CLASP2: variants seen among roughly 807,000 people sequenced by gnomAD.
CLASP2 encodes CLIP-associating protein 2.
Under a neutral mutation model 194.4 loss-of-function variants are expected in CLASP2, and 47 were observed. The observed-to-expected ratio is 0.24, with a 90% CI of 0.19 to 0.31. The LOEUF (loss-of-function observed/expected upper bound fraction) is 0.31. Ranked by LOEUF, CLASP2 falls within the 10% of genes least tolerant of loss-of-function variation. The pLI, the probability that CLASP2 is intolerant of heterozygous loss-of-function variation, is 1.00. For synonymous variants in CLASP2, 619 were observed against 633.5 expected (o/e 0.98, Z 0.34); for missense variants, 1,445 against 1,823.6 (o/e 0.79, Z 3.78).
intron 30 of CLASP2, among the ~76,000 whole-genome samples, chr3:33,547,861 T>C (rs1295521805): frequency 6.6e-6 from 1 of 151,682 alleles, no homozygotes; most frequent in African/African-American, 2.4e-5. Context: ...TAATCACAGT[T>C]CACTGCAGCA....
At chr3:33,566,034 C>T (rs1164926312) in intron 27 of CLASP2, among the ~76,000 whole-genome samples, 1 of 152,114 alleles carries the variant, frequency 6.6e-6, no homozygotes, top group African/African-American at 2.4e-5. Flanking sequence ...TACATGCATA[C>T]ATATCTATCT....
intron 33 of CLASP2, among the ~76,000 whole-genome samples, chr3:33,537,010 G>C (rs538987476): frequency 5.3e-5 from 8 of 152,286 alleles, no homozygotes; most frequent in East Asian, 3.9e-4. Flanking sequence ...TAGAGTCATA[G>C]GATTTATTAT....
chr3:33,598,193 T>G (rs1032705642), intron 18 of CLASP2, among the ~76,000 whole-genome samples: 13 of 152,012 alleles, frequency 8.6e-5, no homozygotes, highest in Non-Finnish European at 5.9e-5. Context: ...TAAATCCTTT[T>G]GCTCTAACAA....
chr3:33,709,515 AGAG>A (rs1334871005), intron 1 of CLASP2, among the ~76,000 whole-genome samples: 5 of 152,162 alleles, frequency 3.3e-5, no homozygotes, highest in African/African-American at 9.7e-5. Flanking sequence ...AGCCACAGTC[AGAG>A]GAGATTTTAT....
chr3:33,702,148 T>A (rs1350583467), intron 1 of CLASP2, among the ~76,000 whole-genome samples: 2 of 152,294 alleles, frequency 1.3e-5, no homozygotes, highest in East Asian at 3.9e-4. Flanking sequence ...CTAAAATTCA[T>A]ATGAAAATTC....
rs76280275 is a variant in CLASP2 at position 33,590,170 on chromosome 3, T to C, written c.2068+2225A>G. On this transcript the variant is annotated intron_variant, in intron 21 of 38. Transcript: ENST00000682230. ...GCTTATTCAGGGCTAAGCAATATTT[T>C]ATGTCTATTAAATATGCTACATCAT... Among the ~76,000 whole-genome samples, 6 of 152,326 alleles carry C rather than the reference T, an allele frequency of 3.9e-5. No homozygotes were observed. In the East Asian group the frequency reaches 1.2e-3, roughly 29 times the overall value.
intron 10 of CLASP2, among the ~76,000 whole-genome samples, chr3:33,626,741 AC>A (rs1320600054): frequency 6.7e-6 from 1 of 150,234 alleles, no homozygotes; most frequent in African/African-American, 2.5e-5. Flanking sequence ...CCAGTCAAAA[AC>A]AGCACACGTG....
chr3:33,518,719 T>C (rs1051830152), intron 34 of CLASP2, among the ~76,000 whole-genome samples: 2 of 152,254 alleles, frequency 1.3e-5, no homozygotes, highest in African/African-American at 4.8e-5. Context: ...TTCACGGTAG[T>C]CAGTTATCTT....
chr3:33,661,837 A>C (rs998181484), intron 7 of CLASP2, among the ~76,000 whole-genome samples: 7 of 152,206 alleles, frequency 4.6e-5, no homozygotes, highest in African/African-American at 1.7e-4. Context: ...GAGAATAAAA[A>C]CAGGGAAGAG....
rs1033826039 is a variant in CLASP2 at position 33,496,665 on chromosome 3, A to G, written c.*1966T>C. ...GCTTAAGTCACTCTACTTGGTTGTC[A>G]ACAGTAGTTAAAGCAGTATCTTAAA... On this transcript the variant is annotated 3_prime_UTR_variant, in exon 39 of 39. Coordinates refer to ENST00000682230, the MANE Select transcript of CLASP2 (RefSeq NM_001365631.1). The G allele has an allele frequency of 1.3e-5, 2 of 152,200 alleles. No individual in the cohort carries two copies. Among genetic ancestry groups the G allele is most frequent in the African/African-American group, 4.8e-5 (2 of 41,456 alleles). The allele number at this position is 152,200 out of a possible 1,614,324, so 9.4% of individuals were successfully genotyped here. A position where few individuals can be genotyped will look rare whatever the true frequency, so the allele number is the denominator to read the frequency against.
At chr3:33,550,094 T>C (rs1217240416) in intron 30 of CLASP2, among the ~76,000 whole-genome samples, 4 of 151,616 alleles carry the variant, frequency 2.6e-5, no homozygotes, top group African/African-American at 9.7e-5. Context: ...AGAAAGTAAA[T>C]AGAAGTAAAT....
intron 21 of CLASP2, among the ~76,000 whole-genome samples, chr3:33,585,506 G>A (rs2067148550): frequency 6.6e-6 from 1 of 152,058 alleles, no homozygotes; most frequent in Admixed American, 6.5e-5. Context: ...GTAACACAAT[G>A]GTAAATATTT....
intron 19 of CLASP2, 66 bp downstream of exon 19, chr3:33,596,645 A>C (rs1208564490): frequency 9.4e-7 from 1 of 1,059,558 alleles, no homozygotes; most frequent in South Asian, 1.5e-5. Context: ...AAGAATGAAC[A>C]AGGATATTAT....
chr3:33,602,424 T>G, intron 18 of CLASP2: 7 of 675,550 alleles, frequency 1.0e-5, no homozygotes, highest in Non-Finnish European at 1.9e-5. Context: ...AAGAAAAAAA[T>G]GGAAGCATGA....
chr3:33,668,627 G>C (rs1292415486), intron 6 of CLASP2, among the ~76,000 whole-genome samples: 2 of 152,170 alleles, frequency 1.3e-5, no homozygotes, highest in Non-Finnish European at 2.9e-5. Context: ...TTGTTATTTT[G>C]AGGATTCGAA....
chr3:33,547,729 A>G (rs1410957035), intron 30 of CLASP2, among the ~76,000 whole-genome samples: 1 of 151,822 alleles, frequency 6.6e-6, no homozygotes, highest in Non-Finnish European at 1.5e-5. Context: ...TGTTTGGTGG[A>G]ATTTACCACC....
intron 3 of CLASP2, 74 bp from the exon 4 acceptor site, chr3:33,688,442 A>G (rs1274849939): frequency 9.3e-7 from 1 of 1,069,674 alleles, no homozygotes. Context: ...TTTCTTCCCA[A>G]TCTTACTACC....
At position 33,608,529 on chromosome 3, in the gene CLASP2, G is replaced by A. The variant is rs762776517; in HGVS notation, c.1448+38C>T. 6.0e-6 allele frequency: 9 copies of A among 1,501,494 alleles called. No homozygotes were observed. In the Admixed American group the frequency reaches 1.6e-4, roughly 26 times the overall value. 93.0% of individuals were successfully genotyped at this position (1,501,494 alleles called of 1,614,324 possible). On this transcript the variant is annotated intron_variant, in intron 14 of 38. Coordinates refer to ENST00000682230, the MANE Select transcript of CLASP2 (RefSeq NM_001365631.1). ...CAACTTCTAAAGAACTGGTGACAAT[G>A]GGGAGGAAAGTGGGAGGAAGGAAGA... is the stretch of plus-strand genomic sequence containing the variant.
intron 1 of CLASP2, among the ~76,000 whole-genome samples, chr3:33,697,671 CT>C (rs2092047712): frequency 6.6e-6 from 1 of 152,170 alleles, no homozygotes; most frequent in Admixed American, 6.5e-5. Context: ...GGAATTTCAT[CT>C]TCTGTCTGGG....
Sources: gnomAD v4.1 joint callset for allele counts (sites outside exome capture counted in the v4.1 genomes callset) on GRCh38, gnomAD v4.1.1 for gene constraint, MANE v1.5 for transcripts, NCBI Gene and HGNC (gene_info 2026-07-23, HGNC 2026-07-21) for gene names.